The following LRRTM4 variants were observed in gnomAD, a reference collection of about 807,000 sequenced individuals.
LRRTM4 encodes the protein leucine rich repeat transmembrane neuronal 4.
In LRRTM4, 25 loss-of-function variants were observed where a neutral mutation model predicts 47.6. The observed-to-expected ratio is 0.53, with a 90% CI of 0.38 to 0.73. LRRTM4 has a LOEUF of 0.73. Among genes scored for constraint, LRRTM4 ranks in the 30% least tolerant of loss-of-function variants. The pLI is 0.00. For synonymous variants in LRRTM4, 311 were observed against 269.5 expected, an observed-to-expected ratio of 1.15 and a Z score of -1.51; for missense variants, 638 against 713.4, an observed-to-expected ratio of 0.89 and a Z score of 1.20.
At chr2:77,194,786 G>A (rs571467882) in intron 3 of LRRTM4, among the ~76,000 whole-genome samples, 2 of 152,172 alleles carry the variant, frequency 1.3e-5, no homozygotes, top group South Asian at 4.2e-4. Context: ...CTACAGAAGA[G>A]GGAAGATGGG....
intron 3 of LRRTM4, among the ~76,000 whole-genome samples, chr2:77,075,807 T>C (rs1387849016): frequency 5.6e-5 from 8 of 142,502 alleles, no homozygotes; most frequent in African/African-American, 1.8e-4. Context: ...CCCAGCTACT[T>C]GGGAGGCTGA....
intron 3 of LRRTM4, among the ~76,000 whole-genome samples, chr2:77,457,002 GTGTATATATATATA>G (rs1258457259): frequency 7.9e-5 from 1 of 12,590 alleles, no homozygotes; most frequent in African/African-American, 3.8e-4. Context: ...ATGTGTGTGT[GTGTATATATATATA>G]TATATATATA....
intron 3 of LRRTM4, among the ~76,000 whole-genome samples, chr2:77,251,084 C>T (rs1389576122): frequency 6.7e-6 from 1 of 149,782 alleles, no homozygotes; most frequent in African/African-American, 2.5e-5. Context: ...GCCTGGGCAA[C>T]AAGAGCAAAA....
intron 3 of LRRTM4, among the ~76,000 whole-genome samples, chr2:76,887,021 A>T (rs557963139): frequency 5.9e-5 from 9 of 152,046 alleles, no homozygotes; most frequent in East Asian, 3.9e-4. Context: ...AATAAAAATT[A>T]AAAAATATGC....
intron 3 of LRRTM4, among the ~76,000 whole-genome samples, chr2:77,026,425 A>G (rs1203547260): frequency 1.3e-5 from 2 of 152,142 alleles, no homozygotes; most frequent in Non-Finnish European, 2.9e-5. Flanking sequence ...TTTTTAACCC[A>G]CAGAATGATC....
At chr2:76,963,658 G>A (rs929347517) in intron 3 of LRRTM4, among the ~76,000 whole-genome samples, 3 of 150,784 alleles carry the variant, frequency 2.0e-5, no homozygotes, top group African/African-American at 7.3e-5. Flanking sequence ...TGTTTTCAAA[G>A]CCTTAGGATT....
intron 3 of LRRTM4, among the ~76,000 whole-genome samples, chr2:77,330,924 A>G (rs1185156274): frequency 1.3e-5 from 2 of 152,158 alleles, no homozygotes; most frequent in Non-Finnish European, 2.9e-5. Context: ...TCAAAATGTC[A>G]AAAGGGCACT....
intron 3 of LRRTM4, among the ~76,000 whole-genome samples, chr2:76,794,997 A>ATAAAGAAAAATAT: frequency 6.6e-6 from 1 of 151,942 alleles, no homozygotes; most frequent in East Asian, 1.9e-4. Flanking sequence ...ACTAAAAGCT[A>ATAAAGAAAAATAT]TAAAGAAAAA....
chr2:76,879,231 C>T (rs1326485597), intron 3 of LRRTM4, among the ~76,000 whole-genome samples: 1 of 152,134 alleles, frequency 6.6e-6, no homozygotes, highest in East Asian at 1.9e-4. Context: ...AAAAAGATGG[C>T]ATCTAGGACT....
chr2:77,378,467 A>G (rs1171954052), intron 3 of LRRTM4, among the ~76,000 whole-genome samples: 1 of 152,136 alleles, frequency 6.6e-6, no homozygotes, highest in Non-Finnish European at 1.5e-5. Flanking sequence ...GGGATCCATC[A>G]TCTTTCAAAA....
intron 3 of LRRTM4, among the ~76,000 whole-genome samples, chr2:76,851,680 A>T (rs141062364): frequency 7.3e-5 from 11 of 151,182 alleles, no homozygotes; most frequent in African/African-American, 2.4e-4. Flanking sequence ...GGAGTAGATG[A>T]TCTTCATATT....
intron 3 of LRRTM4, among the ~76,000 whole-genome samples, chr2:77,199,352 A>G (rs149484133): frequency 1.3e-3 from 205 of 152,224 alleles, no homozygotes; most frequent in African/African-American, 4.8e-3. Context: ...CCCCAAATCA[A>G]ATGGCTCATA....
chr2:77,356,352 T>G (rs559000897), intron 3 of LRRTM4, among the ~76,000 whole-genome samples: 2 of 152,066 alleles, frequency 1.3e-5, no homozygotes, highest in Non-Finnish European at 2.9e-5. Context: ...GATGGTGAGA[T>G]TTCAATGAAA....
At chr2:77,366,191 T>C (rs142849877) in intron 3 of LRRTM4, among the ~76,000 whole-genome samples, 8 of 151,894 alleles carry the variant, frequency 5.3e-5, no homozygotes, top group African/African-American at 1.9e-4. Flanking sequence ...CAATCCAATC[T>C]GGCCTCTTCT....
intron 3 of LRRTM4, among the ~76,000 whole-genome samples, chr2:77,033,108 AAAT>A (rs762717686): frequency 6.6e-6 from 1 of 152,114 alleles, no homozygotes; most frequent in African/African-American, 2.4e-5. Context: ...ACTGCAGCAG[AAAT>A]AATGTCTCTT....
At chr2:76,838,399 C>G (rs561183483) in intron 3 of LRRTM4, among the ~76,000 whole-genome samples, 8 of 151,974 alleles carry the variant, frequency 5.3e-5, no homozygotes, top group Non-Finnish European at 1.2e-4. Flanking sequence ...AGCCCTAAAT[C>G]AAGAACTAGA....
At chr2:77,375,242 C>T (rs1303384397) in intron 3 of LRRTM4, among the ~76,000 whole-genome samples, 2 of 151,542 alleles carry the variant, frequency 1.3e-5, no homozygotes, top group Non-Finnish European at 3.0e-5. Flanking sequence ...AATATGATAT[C>T]CTCCCTCTTT....
intron 3 of LRRTM4, among the ~76,000 whole-genome samples, chr2:77,462,545 A>T (rs1188493739): frequency 6.6e-6 from 1 of 152,074 alleles, no homozygotes; most frequent in Non-Finnish European, 1.5e-5. Context: ...CTATGAAATA[A>T]GGAAATCTTA....
intron 3 of LRRTM4, among the ~76,000 whole-genome samples, chr2:76,864,869 G>A (rs1016829390): frequency 6.7e-6 from 1 of 148,994 alleles, no homozygotes. Flanking sequence ...TGGGACTACA[G>A]GTGAATGCCA....
Sources: allele counts gnomAD v4.1 joint callset (sites outside exome capture counted in the v4.1 genomes callset), GRCh38; gene constraint gnomAD v4.1.1; transcripts MANE v1.5; gene names NCBI Gene and HGNC (gene_info 2026-07-23, HGNC 2026-07-21).